The following TSHR variants were observed in gnomAD, a reference collection of about 807,000 sequenced individuals.
TSHR encodes the protein thyroid stimulating hormone receptor, also known as thyrotropin receptor.
TSHR carries 51 observed loss-of-function variants against 64.1 expected under a neutral mutation model. The observed-to-expected ratio is 0.80, with a 90% confidence interval of 0.64 to 1.01. The LOEUF (loss-of-function observed/expected upper bound fraction) is 1.01. Ranked by LOEUF, TSHR falls within the 50% of genes least tolerant of loss-of-function variation. TSHR has a pLI of 0.00. For synonymous variants in TSHR, 361 were observed against 361.9 expected, an observed-to-expected ratio of 1.00 and a Z score of 0.03; for missense variants, 877 against 942.8, an observed-to-expected ratio of 0.93 and a Z score of 0.91.
At chr14:81,102,186 A>AC (rs1453244723) in intron 7 of TSHR, among the ~76,000 whole-genome samples, 1 of 152,008 alleles carries the variant, frequency 6.6e-6, no homozygotes, top group East Asian at 1.9e-4. Context: ...AAAAAAAAAA[A>AC]AAAAAACTAA....
chr14:81,100,245 A>G (rs1235826555), intron 7 of TSHR, among the ~76,000 whole-genome samples: 3 of 152,214 alleles, frequency 2.0e-5, no homozygotes, highest in African/African-American at 7.2e-5. Flanking sequence ...AATTATTCAT[A>G]TCAAAGAGGG....
chr14:81,131,058 G>A (rs1051150797), intron 8 of TSHR, among the ~76,000 whole-genome samples: 1 of 150,666 alleles, frequency 6.6e-6, no homozygotes, highest in Non-Finnish European at 1.5e-5. Flanking sequence ...TGTCTAATAG[G>A]CATCTCAAAC....
At chr14:80,956,368 T>C (rs1886685452) in intron 1 of TSHR, among the ~76,000 whole-genome samples, 1 of 152,270 alleles carries the variant, frequency 6.6e-6, no homozygotes, top group Non-Finnish European at 1.5e-5. Flanking sequence ...CTATACAGTA[T>C]CTGTAAGTTA....
At chr14:81,022,990 G>C (rs998240746) in intron 1 of TSHR, among the ~76,000 whole-genome samples, 1 of 152,172 alleles carries the variant, frequency 6.6e-6, no homozygotes, top group Non-Finnish European at 1.5e-5. Flanking sequence ...CAAAGAGCAA[G>C]TCCCCACCAG....
chr14:80,982,839 C>A (rs527787631), intron 1 of TSHR: 18 of 499,988 alleles, frequency 3.6e-5, no homozygotes, highest in Non-Finnish European at 5.8e-5. Context: ...CTTTTGGTTC[C>A]GACCCTTGCA....
At chr14:81,086,348 A>G (rs1354129980) in intron 3 of TSHR, among the ~76,000 whole-genome samples, 1 of 152,172 alleles carries the variant, frequency 6.6e-6, no homozygotes, top group African/African-American at 2.4e-5. Flanking sequence ...AGTTAACTCC[A>G]TCCTCTCTTT....
chr14:81,103,211 T>C lies in TSHR; in HGVS notation c.615-5164T>C. ...TAAAATAGTATTCACATTGTGTTTT[T>C]AACATAGGGATGTTGCTTTTGGTGT... is the stretch of plus-strand genomic sequence containing the variant. On this transcript the variant is annotated intron_variant, in intron 7 of 9. Coordinates refer to ENST00000298171, the MANE Select transcript of TSHR (RefSeq NM_000369.5). This position sits in a 1 kb window ranked among gnomAD's most constrained non-coding sequence, Gnocchi z 4.1. 1 of 985,454 alleles carries C rather than the reference T, an allele frequency of 1.0e-6. No individual in the cohort carries two copies. Among genetic ancestry groups the C allele is most frequent in the South Asian group, 4.7e-5 (1 of 21,286 alleles). The allele number at this position is 985,454 out of a possible 1,614,324, so 61.0% of individuals were successfully genotyped here.
At chr14:81,009,860 C>T (rs1002547102) in intron 1 of TSHR, among the ~76,000 whole-genome samples, 3 of 151,952 alleles carry the variant, frequency 2.0e-5, no homozygotes, top group African/African-American at 2.4e-5. Flanking sequence ...TTCTTGTGTA[C>T]GTCAACTGTG....
intron 5 of TSHR, among the ~76,000 whole-genome samples, chr14:81,092,228 C>T (rs781330570): frequency 2.0e-5 from 3 of 152,090 alleles, no homozygotes; most frequent in Admixed American, 6.5e-5. Context: ...GTTGCAGATT[C>T]GGGAGAAGCC....
intron 1 of TSHR, among the ~76,000 whole-genome samples, chr14:80,968,816 G>C (rs1887445248): frequency 6.6e-6 from 1 of 152,134 alleles, no homozygotes; most frequent in African/African-American, 2.4e-5. Flanking sequence ...ATGGTAAAGA[G>C]GGCCTAATAT....
intron 7 of TSHR, among the ~76,000 whole-genome samples, chr14:81,105,808 C>T (rs1889853065): frequency 6.6e-6 from 1 of 152,206 alleles, no homozygotes; most frequent in Non-Finnish European, 1.5e-5. Flanking sequence ...CCGGCTCTTA[C>T]TTGATTTTCA....
chr14:81,123,471 A>G (rs112200297), intron 8 of TSHR, among the ~76,000 whole-genome samples: 193 of 152,362 alleles, frequency 1.3e-3, no homozygotes, highest in African/African-American at 4.1e-3. Context: ...GTATCAAAAC[A>G]GAAGACAGAA....
chr14:81,017,733 A>G (rs1005633700), intron 1 of TSHR, among the ~76,000 whole-genome samples: 1 of 152,254 alleles, frequency 6.6e-6, no homozygotes, highest in African/African-American at 2.4e-5. Context: ...TATAAGCACC[A>G]TACACAAAAA....
chr14:81,142,432 G>A (rs1891729278), intron 9 of TSHR, among the ~76,000 whole-genome samples: 1 of 151,758 alleles, frequency 6.6e-6, no homozygotes, highest in Non-Finnish European at 1.5e-5. Context: ...TTGCAGAAGA[G>A]AAATAAGACC....
chr14:81,057,511 T>C (rs1226987097), intron 1 of TSHR, among the ~76,000 whole-genome samples: 3 of 152,234 alleles, frequency 2.0e-5, no homozygotes, highest in Non-Finnish European at 4.4e-5. Flanking sequence ...ATTGCCTAAT[T>C]TGTAATCCAC....
chr14:81,106,290 G>C (rs973598728), intron 7 of TSHR, among the ~76,000 whole-genome samples: 1 of 152,160 alleles, frequency 6.6e-6, no homozygotes, highest in African/African-American at 2.4e-5. Flanking sequence ...TTGGTCAAAT[G>C]CCACCACACC....
intron 1 of TSHR, among the ~76,000 whole-genome samples, chr14:81,061,779 C>A (rs989247645): frequency 1.3e-5 from 2 of 151,964 alleles, no homozygotes; most frequent in Non-Finnish European, 2.9e-5. Flanking sequence ...CATGTACCCC[C>A]AAACCTAAAT....
rs138973027 is a variant in TSHR at position 81,068,591 on chromosome 14, A to G, written c.317+263A>G. On this transcript the variant is annotated intron_variant, in intron 3 of 9. Transcript: ENST00000298171. ...TGTTCTATTACTACTGTGTCAGCAT[A>G]TTTTATTGATGTGAATGTCAGTGAG... 1.6e-5 allele frequency: 7 copies of G among 440,424 alleles called. No homozygotes were observed. In the East Asian group the frequency reaches 3.1e-4, roughly 19 times the overall value. 27.3% of individuals were successfully genotyped at this position (440,424 alleles called of 1,614,324 possible). A position where few individuals can be genotyped will look rare whatever the true frequency, so the allele number is the denominator to read the frequency against.
In TSHR at chr14:80,955,698, G is replaced by A. The variant is rs2139669162; in HGVS notation, c.18G>A (p.Leu6=). The change falls in exon 1 of 10, where the codon TTG becomes TTA. Residue 6 remains leucine, a synonymous_variant. Coordinates refer to ENST00000298171, the MANE Select transcript of TSHR (RefSeq NM_000369.5). MRPAD[L]LQLVLLLDLP... Reference sequence around the variant, plus strand: ...CGTGGAAAATGAGGCCGGCGGACTTGCTGCAGCTGGTGCTGCTGCTCGACC... The same window carrying A: ...CGTGGAAAATGAGGCCGGCGGACTTACTGCAGCTGGTGCTGCTGCTCGACC... 6.2e-7 allele frequency: 1 copy of A among 1,614,108 alleles called. No homozygotes were observed. The highest frequency in any genetic ancestry group is 8.5e-7 in the Non-Finnish European group (1 of 1,180,000).
Sources: gnomAD v4.1 joint callset for allele counts (sites outside exome capture counted in the v4.1 genomes callset) on GRCh38, gnomAD v4.1.1 for gene constraint, Gnocchi (gnomAD v3.1) non-coding constraint, MANE v1.5 for transcripts, NCBI Gene and HGNC (gene_info 2026-07-23, HGNC 2026-07-21) for gene names.